The following KCNH1 variants were observed in gnomAD, a reference collection of about 807,000 sequenced individuals.
KCNH1 encodes the protein voltage-gated delayed rectifier potassium channel KCNH1.
KCNH1 carries 27 observed loss-of-function variants against 69.2 expected under a neutral mutation model. That is an observed-to-expected ratio of 0.39 (90% CI 0.29 to 0.54). The LOEUF (loss-of-function observed/expected upper bound fraction) is 0.54. KCNH1 is among the 20% of genes least tolerant of loss of function. KCNH1 has a pLI of 0.68. For missense variants in KCNH1, 798 were observed against 1,261.6 expected (o/e 0.63, Z 5.57); for synonymous variants, 456 against 487.7 (o/e 0.93, Z 0.86).
At chr1:210,947,393 C>A (rs1687978074) in intron 6 of KCNH1, among the ~76,000 whole-genome samples, 1 of 151,968 alleles carries the variant, frequency 6.6e-6, no homozygotes, top group East Asian at 1.9e-4. Context: ...CACGGTGAAA[C>A]CCTTTCTCTA....
chr1:210,969,521 T>C (rs1468207318), intron 6 of KCNH1, among the ~76,000 whole-genome samples: 2 of 151,926 alleles, frequency 1.3e-5, no homozygotes, highest in Non-Finnish European at 1.5e-5. Flanking sequence ...TTATCTCCCC[T>C]AGGAATTTTA....
At chr1:210,863,519 C>G (rs1370134127) in intron 7 of KCNH1, among the ~76,000 whole-genome samples, 2 of 152,196 alleles carry the variant, frequency 1.3e-5, no homozygotes, top group Non-Finnish European at 2.9e-5. Context: ...TGGTGACCAG[C>G]TTAGTTAAAA....
intron 2 of KCNH1, among the ~76,000 whole-genome samples, chr1:211,104,137 A>C (rs376239251): frequency 3.3e-4 from 51 of 152,324 alleles, no homozygotes; most frequent in South Asian, 2.1e-3. Context: ...ATGAGAGGGA[A>C]ATTTGCAACA....
At chr1:210,981,205 G>A (rs890666184) in intron 6 of KCNH1, among the ~76,000 whole-genome samples, 1 of 151,970 alleles carries the variant, frequency 6.6e-6, no homozygotes, top group African/African-American at 2.4e-5. Context: ...AAAAAGACAC[G>A]GAGTTTAACT....
At chr1:211,017,980 T>C (rs2102413332) in intron 6 of KCNH1, among the ~76,000 whole-genome samples, 1 of 151,924 alleles carries the variant, frequency 6.6e-6, no homozygotes, top group Admixed American at 6.6e-5. Flanking sequence ...GGGTGGTGAG[T>C]GGATTCTCAC....
intron 9 of KCNH1, among the ~76,000 whole-genome samples, chr1:210,783,499 T>G (rs968855684): frequency 6.6e-6 from 1 of 152,214 alleles, no homozygotes; most frequent in Non-Finnish European, 1.5e-5. Context: ...CAGGTAAGTG[T>G]GGCCATCTGT....
At chr1:210,718,321 AAT>A (rs1391322772) in intron 10 of KCNH1, among the ~76,000 whole-genome samples, 1 of 131,342 alleles carries the variant, frequency 7.6e-6, no homozygotes, top group Admixed American at 8.5e-5. Flanking sequence ...TGTGTATATA[AAT>A]ATATATAAAT....
At chr1:210,915,359 C>T (rs1001809159) in intron 7 of KCNH1, among the ~76,000 whole-genome samples, 3 of 152,198 alleles carry the variant, frequency 2.0e-5, no homozygotes, top group East Asian at 1.9e-4. Flanking sequence ...CATGAGGGGA[C>T]ACTCAGTATG....
chr1:210,853,963 A>AAAAAAAAAAAAAAAAAAAAAAAC (rs1685771005), intron 7 of KCNH1, among the ~76,000 whole-genome samples: 1 of 143,142 alleles, frequency 7.0e-6, no homozygotes, highest in African/African-American at 2.6e-5. Context: ...AAAAAAAAAA[A>AAAAAAAAAAAAAAAAAAAAAAAC]AAAAAGAAAC....
chr1:211,083,624 C>T (rs967082849), intron 4 of KCNH1, among the ~76,000 whole-genome samples: 2 of 152,178 alleles, frequency 1.3e-5, no homozygotes, highest in African/African-American at 4.8e-5. Context: ...GGCAGTTGCC[C>T]CATCAGACCC....
intron 5 of KCNH1, among the ~76,000 whole-genome samples, chr1:211,032,151 C>T (rs1432316907): frequency 6.6e-6 from 1 of 152,144 alleles, no homozygotes; most frequent in Non-Finnish European, 1.5e-5. Flanking sequence ...TGAGTGAACT[C>T]CCATTCACAG....
chr1:211,062,768 C>T (rs998603452), intron 5 of KCNH1, among the ~76,000 whole-genome samples: 19 of 152,112 alleles, frequency 1.2e-4, no homozygotes, highest in African/African-American at 4.3e-4. Flanking sequence ...ATCATGTAAC[C>T]CCAGTTAAAA....
chr1:210,797,833 G>C (rs1244282466), intron 8 of KCNH1, 73 bp from the exon 9 acceptor site: 12 of 1,534,508 alleles, frequency 7.8e-6, no homozygotes, highest in African/African-American at 5.5e-5. Context: ...CAGCACTCTA[G>C]GGGGAGGAGC....
chr1:211,083,058 T>C (rs559585313), intron 4 of KCNH1, among the ~76,000 whole-genome samples, 160 bp from the exon 5 acceptor site: 1 of 152,362 alleles, frequency 6.6e-6, no homozygotes, highest in African/African-American at 2.4e-5. Context: ...CACTGCTCCG[T>C]AAAGCACCTT....
At chr1:210,970,364 G>A (rs961468831) in intron 6 of KCNH1, among the ~76,000 whole-genome samples, 9 of 151,768 alleles carry the variant, frequency 5.9e-5, no homozygotes, top group Non-Finnish European at 1.3e-4. Context: ...AACATGTGGT[G>A]TTTGTTTCCT....
chr1:210,888,551 C>T (rs1686671990), intron 7 of KCNH1, among the ~76,000 whole-genome samples: 1 of 152,184 alleles, frequency 6.6e-6, no homozygotes, highest in East Asian at 1.9e-4. Flanking sequence ...CAAGAAATAA[C>T]TAAGATGCGA....
At chr1:210,891,062 A>G (rs373869062) in intron 7 of KCNH1, among the ~76,000 whole-genome samples, 1 of 152,200 alleles carries the variant, frequency 6.6e-6, no homozygotes, top group African/African-American at 2.4e-5. Flanking sequence ...AGGATTATAA[A>G]TCATGCTGCT....
rs76449656 is a variant in KCNH1 at position 210,893,094 on chromosome 1, A to G, written c.1462+26546T>C. Among the ~76,000 whole-genome samples the G allele has an allele frequency of 7.7e-3, 1,174 of 152,296 alleles. 21 individuals are homozygous for G. The highest frequency in any genetic ancestry group is 0.027 in the African/African-American group (1,127 of 41,578). ...AAGAAGAGAAGAAAGTTCAGGCAGAAAGGCTAGTGTTCTTCATTCCTTTAC... is the reference window on the plus strand; with the variant it reads ...AAGAAGAGAAGAAAGTTCAGGCAGAGAGGCTAGTGTTCTTCATTCCTTTAC... On this transcript the variant is annotated intron_variant, in intron 7 of 10. Transcript: ENST00000271751.
intron 10 of KCNH1, among the ~76,000 whole-genome samples, chr1:210,690,103 C>G (rs1055577395): frequency 1.3e-5 from 2 of 152,196 alleles, no homozygotes; most frequent in African/African-American, 4.8e-5. Flanking sequence ...GGGGGATGAC[C>G]CTGGTGAGTC....
Sources: allele counts gnomAD v4.1 joint callset (sites outside exome capture counted in the v4.1 genomes callset), GRCh38; gene constraint gnomAD v4.1.1; transcripts MANE v1.5; gene names NCBI Gene and HGNC (gene_info 2026-07-23, HGNC 2026-07-21).